The following GTF2A1 variants were observed in gnomAD, a reference collection of about 807,000 sequenced individuals.
GTF2A1 encodes transcription initiation factor IIA subunit 1.
A neutral mutation model predicts 54.1 loss-of-function variants in GTF2A1; 12 were observed. The observed-to-expected ratio is 0.22, with a 90% CI of 0.14 to 0.36. The LOEUF (loss-of-function observed/expected upper bound fraction) is 0.36, where lower values mean the gene tolerates loss of function less well. Among genes scored for constraint, GTF2A1 ranks in the 10% least tolerant of loss-of-function variants. The pLI, the probability that GTF2A1 is intolerant of heterozygous loss-of-function variation, is 1.00. For missense variants in GTF2A1, 335 were observed against 442.2 expected (o/e 0.76, Z 2.17); for synonymous variants, 145 against 152.0 (o/e 0.95, Z 0.34).
intron 2 of GTF2A1, among the ~76,000 whole-genome samples, chr14:81,216,178 A>C (rs933047435): frequency 6.6e-6 from 1 of 152,208 alleles, no homozygotes; most frequent in Non-Finnish European, 1.5e-5. Flanking sequence ...TAATCCTCAA[A>C]ACAAACCTAT....
At chr14:81,220,035 T>A (rs1326181518) in intron 1 of GTF2A1, among the ~76,000 whole-genome samples, 2 of 151,820 alleles carry the variant, frequency 1.3e-5, no homozygotes, top group African/African-American at 2.4e-5. Flanking sequence ...TGCATTAAAG[T>A]GGATCACGAT....
intron 7 of GTF2A1, among the ~76,000 whole-genome samples, chr14:81,187,270 G>A (rs1023710429): frequency 1.6e-4 from 24 of 151,784 alleles, no homozygotes; most frequent in African/African-American, 5.8e-4. Flanking sequence ...CAGGAGAATG[G>A]CGGGAACCCA....
At position 81,175,521 on chromosome 14, in the gene GTF2A1, TAGTC is replaced by T. The variant is rs1249358450; in HGVS notation, c.*4698_*4701del. The T allele has an allele frequency of 4.6e-5, 7 of 152,208 alleles. No homozygotes were observed. Among genetic ancestry groups the T allele is most frequent in the Non-Finnish European group, 5.9e-5 (4 of 68,032 alleles). 9.4% of individuals were successfully genotyped at this position (152,208 alleles called of 1,614,324 possible). On this transcript the variant is annotated 3_prime_UTR_variant, in exon 9 of 9. Transcript: ENST00000553612. ...AGTTAAAATTTGCATGTTTTCTAGA[TAGTC>T]TGTTAACAGGATAAAAAAATACAAA...
At chr14:81,199,016 A>G (rs997661029) in intron 4 of GTF2A1, among the ~76,000 whole-genome samples, 1 of 152,212 alleles carries the variant, frequency 6.6e-6, no homozygotes, top group Non-Finnish European at 1.5e-5. Context: ...TGGATACTCA[A>G]TTACCCAATT....
chr14:81,220,694 AG>A lies in GTF2A1; in HGVS notation c.-177del, dbSNP rs1893618066. On this transcript the variant is annotated 5_prime_UTR_variant, in exon 1 of 9. Transcript: ENST00000553612. ...AGGGGAGAGCGGAGAGAGGAGGAGG[AG>A]GGGGGCACTCCTCCCGCAGCTGAAA... The A allele has an allele frequency of 7.9e-6, 2 of 253,586 alleles. No individual in the cohort carries two copies. The highest frequency in any genetic ancestry group is 8.5e-5 in the South Asian group (1 of 11,800). The allele number at this position is 253,586 out of a possible 1,614,324, so 15.7% of individuals were successfully genotyped here.
intron 2 of GTF2A1, among the ~76,000 whole-genome samples, chr14:81,212,337 ACACT>A (rs1893389670): frequency 6.6e-6 from 1 of 152,134 alleles, no homozygotes; most frequent in Non-Finnish European, 1.5e-5. Context: ...CCACCCACAG[ACACT>A]CACCAATCCA....
At position 81,177,189 on chromosome 14, in the gene GTF2A1, T is replaced by C. The variant is rs1446597165; in HGVS notation, c.*3034A>G. 1 of 152,144 alleles carries C rather than the reference T, an allele frequency of 6.6e-6. No homozygotes were observed. Among genetic ancestry groups the C allele is most frequent in the Admixed American group, 6.5e-5 (1 of 15,272 alleles). The allele number at this position is 152,144 out of a possible 1,614,324, so 9.4% of individuals were successfully genotyped here. On this transcript the variant is annotated 3_prime_UTR_variant, in exon 9 of 9. Transcript: ENST00000553612. The stretch of plus-strand genomic sequence containing the variant: ...TTACTACACACTGCTCAAGTCTTGA[T>C]GTAATCTTAGAACAAGAAAGTGGCT...
At position 81,189,351 on chromosome 14, in the gene GTF2A1, A is replaced by G. The variant is rs562671731; in HGVS notation, c.933+3168T>C. 3.6e-4 allele frequency among the ~76,000 whole-genome samples: 55 copies of G among 152,330 alleles called. 1 individual carries two copies. In the South Asian group the frequency reaches 0.011, roughly 32 times the overall value. On this transcript the variant is annotated intron_variant, in intron 7 of 8. Coordinates refer to ENST00000553612, the MANE Select transcript of GTF2A1 (RefSeq NM_015859.4). ...TATATCAACTACCATAGCAGGAAAC[A>G]TGAACATATCTCACTCAGTAGTAAA...
intron 6 of GTF2A1, among the ~76,000 whole-genome samples, chr14:81,195,889 G>C (rs928679060): frequency 6.6e-6 from 1 of 152,082 alleles, no homozygotes; most frequent in East Asian, 1.9e-4. Flanking sequence ...CCACCTTCGA[G>C]GGGATGATGA....
chr14:81,175,600 CCTG>C lies in GTF2A1; in HGVS notation c.*4620_*4622del, dbSNP rs1253724168. 5.3e-5 allele frequency: 8 copies of C among 152,218 alleles called. No homozygotes were observed. In the South Asian group the frequency reaches 6.2e-4, roughly 12 times the overall value. 9.4% of individuals were successfully genotyped at this position (152,218 alleles called of 1,614,324 possible). On this transcript the variant is annotated 3_prime_UTR_variant, in exon 9 of 9. Coordinates refer to ENST00000553612, the MANE Select transcript of GTF2A1 (RefSeq NM_015859.4). Reference sequence around the variant, plus strand: ...CTGAATTAACTATAAAATTAAAATACCTGCTAATTATTATCTTCTAAAATAACA... The same window carrying C: ...CTGAATTAACTATAAAATTAAAATACCTAATTATTATCTTCTAAAATAACA...
chr14:81,200,558 C>T (rs1199437498), intron 4 of GTF2A1, among the ~76,000 whole-genome samples: 5 of 149,312 alleles, frequency 3.3e-5, no homozygotes, highest in East Asian at 2.0e-4. Context: ...ACCTAGGAGG[C>T]GGAGGTTGCA....
intron 8 of GTF2A1, among the ~76,000 whole-genome samples, chr14:81,181,447 G>C (rs947782130): frequency 6.6e-6 from 1 of 152,132 alleles, no homozygotes; most frequent in Non-Finnish European, 1.5e-5. Flanking sequence ...GCTACTAAGT[G>C]ACAATCATGA....
intron 3 of GTF2A1, among the ~76,000 whole-genome samples, chr14:81,203,604 A>G (rs1314583197): frequency 6.6e-6 from 1 of 152,220 alleles, no homozygotes; most frequent in East Asian, 1.9e-4. Flanking sequence ...TCAAAACAAA[A>G]TATTAATATA....
rs554267668 is a variant in GTF2A1 at position 81,196,584 on chromosome 14, C to T, written c.479-343G>A. On this transcript the variant is annotated intron_variant, in intron 5 of 8. Transcript: ENST00000553612. ...GAAAGAGCAGTAAGATCAGACACTT[C>T]GGGAGCTGTTCATTTTTAAAGCTTT... 4.6e-5 allele frequency among the ~76,000 whole-genome samples: 7 copies of T among 152,260 alleles called. 1 individual carries two copies. The South Asian group carries it at 1.2e-3, about 27-fold the overall frequency.
intron 2 of GTF2A1, chr14:81,209,762 T>C: frequency 2.6e-6 from 1 of 390,112 alleles, no homozygotes; most frequent in Non-Finnish European, 4.9e-6. Flanking sequence ...TCAGCAGTTT[T>C]CTCCCACAAT....
At chr14:81,200,444 G>A (rs916285327) in intron 4 of GTF2A1, among the ~76,000 whole-genome samples, 1 of 152,046 alleles carries the variant, frequency 6.6e-6, no homozygotes, top group Non-Finnish European at 1.5e-5. Context: ...GGCCAACATG[G>A]TGAAACCCTG....
intron 4 of GTF2A1, among the ~76,000 whole-genome samples, chr14:81,197,773 C>T (rs1893021849): frequency 6.6e-6 from 1 of 151,710 alleles, no homozygotes; most frequent in Non-Finnish European, 1.5e-5. Context: ...TCCTTCTTGT[C>T]CCATCAATCT....
chr14:81,189,292 C>T (rs1045895164), intron 7 of GTF2A1, among the ~76,000 whole-genome samples: 2 of 152,032 alleles, frequency 1.3e-5, no homozygotes, highest in African/African-American at 2.4e-5. Flanking sequence ...GCTCAAAATA[C>T]AAAAAGGAAA....
At position 81,178,618 on chromosome 14, in the gene GTF2A1, T is replaced by C. The variant is rs1323552665; in HGVS notation, c.*1605A>G. The C allele has an allele frequency of 2.6e-5, 4 of 152,112 alleles. No individual in the cohort carries two copies. The highest frequency in any genetic ancestry group is 9.7e-5 in the African/African-American group (4 of 41,422). 9.4% of individuals were successfully genotyped at this position (152,112 alleles called of 1,614,324 possible). A position where few individuals can be genotyped will look rare whatever the true frequency, so the allele number is the denominator to read the frequency against. ...GAAAAAAAAAATTTTTGCCTTTTTT[T>C]AAAGTTAAAAGATTTGTGTTAAAAA... On this transcript the variant is annotated 3_prime_UTR_variant, in exon 9 of 9. Coordinates refer to ENST00000553612, the MANE Select transcript of GTF2A1 (RefSeq NM_015859.4).
Sources: gnomAD v4.1 joint callset for allele counts (sites outside exome capture counted in the v4.1 genomes callset) on GRCh38, gnomAD v4.1.1 for gene constraint, MANE v1.5 for transcripts, NCBI Gene and HGNC (gene_info 2026-07-23, HGNC 2026-07-21) for gene names.